Variants in TRIM77 observed in about 807,000 individuals in gnomAD.
TRIM77 encodes tripartite motif containing 77.
In TRIM77, 23 loss-of-function variants were observed where a neutral mutation model predicts 31.8. The ratio of observed to expected loss-of-function variants is 0.72; its 90% CI spans 0.52 to 1.02. The LOEUF (loss-of-function observed/expected upper bound fraction) is 1.02. Among genes scored for constraint, TRIM77 ranks in the 50% least tolerant of loss-of-function variants. TRIM77 has a pLI of 0.00. For missense variants in TRIM77, 446 were observed against 539.2 expected (o/e 0.83, Z 1.71); for synonymous variants, 159 against 183.1 (o/e 0.87, Z 1.06).
chr11:89,714,574 T>C (rs2134546118), intron 3 of TRIM77, among the ~76,000 whole-genome samples, 152 bp downstream of exon 3: 1 of 152,282 alleles, frequency 6.6e-6, no homozygotes, highest in African/African-American at 2.4e-5. Flanking sequence ...GTTTCACTCC[T>C]CTGTAGACCC....
At chr11:89,712,768 G>C (rs1265632532) in intron 2 of TRIM77, among the ~76,000 whole-genome samples, 2 of 152,106 alleles carry the variant, frequency 1.3e-5, no homozygotes, top group Non-Finnish European at 2.9e-5. Flanking sequence ...GGAAAGAGTA[G>C]GGAATAGAGG....
chr11:89,717,599 A>C lies in TRIM77; in HGVS notation c.1080A>C (p.Glu360Asp). 1 of 1,551,486 alleles carries C rather than the reference A, an allele frequency of 6.4e-7. No individual in the cohort carries two copies. The highest frequency in any genetic ancestry group is 8.7e-7 in the Non-Finnish European group (1 of 1,146,844). The stretch of plus-strand genomic sequence containing the variant: ...ATTGGGTTATAGGACTTTGCAGAGA[A>C]GCCTGGACAAAGAGGAATGACATGC... ...SCNWVIGLCR[E>D]AWTKRNDMRL... Residue 360 changes from glutamate to aspartate, a missense_variant, in exon 6 of 6, where the codon GAA (glutamate) becomes GAC (aspartate). Around this residue, in one of 3 missense-constraint regions of TRIM77, gnomAD observed 366 missense variants for 447.9 expected, o/e 0.82. Coordinates refer to ENST00000398290, the MANE Select transcript of TRIM77 (RefSeq NM_001146162.1).
Position 89,710,533 on chromosome 11 carries a change from G to GA in TRIM77, c.237dup (p.Ser80IlefsTer15), listed in dbSNP as rs1232373732. On this transcript the variant is annotated frameshift_variant, in exon 1 of 6. Coordinates refer to ENST00000398290, the MANE Select transcript of TRIM77 (RefSeq NM_001146162.1). LOFTEE classifies it high-confidence loss of function. ...TGAGAAACAAGTTATTCCTACAAGA[G>GA]AATCAGTCCCCTGCCAGTTATCAAG... The GA allele has an allele frequency of 1.3e-6, 2 of 1,551,616 alleles. No individual in the cohort carries two copies. Among genetic ancestry groups the GA allele is most frequent in the Non-Finnish European group, 1.7e-6 (2 of 1,146,990 alleles).
intron 5 of TRIM77, 61 bp downstream of exon 5, chr11:89,716,048 T>A (rs1949159192): frequency 9.6e-7 from 1 of 1,038,906 alleles, no homozygotes; most frequent in South Asian, 1.7e-5. Flanking sequence ...GTGACCTATA[T>A]TCAGTTTAGT....
chr11:89,713,714 T>C (rs1949140564), intron 2 of TRIM77, among the ~76,000 whole-genome samples: 1 of 151,796 alleles, frequency 6.6e-6, no homozygotes, highest in African/African-American at 2.4e-5. Context: ...AAGGGGTGGA[T>C]AGAGATGTGT....
Position 89,717,717 on chromosome 11 carries a change from A to T in TRIM77, c.1198A>T (p.Ile400Phe), listed in dbSNP as rs759317047. The change falls in exon 6 of 6, where the codon ATT (isoleucine) becomes TTT (phenylalanine). Residue 400 changes from isoleucine to phenylalanine, a missense_variant. Ile to Phe is a conservative substitution (Grantham distance 21). Coordinates refer to ENST00000398290, the MANE Select transcript of TRIM77 (RefSeq NM_001146162.1). ...FSTSPLLPHY[I>F]PRPQGWLGVF... Reference sequence around the variant, plus strand: ...TACCTCCCCACTGTTACCTCACTATATTCCAAGGCCCCAAGGCTGGCTAGG... The same window carrying T: ...TACCTCCCCACTGTTACCTCACTATTTTCCAAGGCCCCAAGGCTGGCTAGG... 2.0e-5 allele frequency: 31 copies of T among 1,551,302 alleles called. No individual in the cohort carries two copies. The highest frequency in any genetic ancestry group is 2.5e-5 in the Non-Finnish European group (29 of 1,146,730).
rs538083868 is a variant in TRIM77 at position 89,713,761 on chromosome 11, T to C, written c.508-431T>C. Among the ~76,000 whole-genome samples the C allele has an allele frequency of 2.1e-4, 32 of 152,202 alleles. No homozygotes were observed. In the South Asian group the frequency reaches 6.0e-3, roughly 29 times the overall value. ...ATAGGCAAGCATAGCCAAACACTGGTAAAAGCACCGAGTGTTTTGGAAATG... is the reference window on the plus strand; with the variant it reads ...ATAGGCAAGCATAGCCAAACACTGGCAAAAGCACCGAGTGTTTTGGAAATG... On this transcript the variant is annotated intron_variant, in intron 2 of 5. Transcript: ENST00000398290.
chr11:89,713,523 A>ATAAATATAAT (rs1187566667), intron 2 of TRIM77, among the ~76,000 whole-genome samples: 5 of 149,922 alleles, frequency 3.3e-5, no homozygotes, highest in African/African-American at 1.2e-4. Context: ...TGAAAGAGAG[A>ATAAATATAAT]TGGGGGAAAT....
intron 1 of TRIM77, among the ~76,000 whole-genome samples, 161 bp downstream of exon 1, chr11:89,710,870 A>G (rs1694065361): frequency 6.6e-6 from 1 of 152,226 alleles, no homozygotes. Flanking sequence ...AGACACTAAG[A>G]TAAAGCACTG....
Position 89,711,487 on chromosome 11 carries a change from C to T in TRIM77, c.489C>T (p.Asn163=), listed in dbSNP as rs1457216655. The T allele has an allele frequency of 6.6e-7, 1 of 1,515,622 alleles. No individual in the cohort carries two copies. 93.9% of individuals were successfully genotyped at this position (1,515,622 alleles called of 1,614,324 possible). The change falls in exon 2 of 6, where the codon AAC becomes AAT. Residue 163 remains asparagine (N), a synonymous_variant. Coordinates refer to ENST00000398290, the MANE Select transcript of TRIM77 (RefSeq NM_001146162.1). ...AAAGAAATCTAAACAGAGAGACCAA[C>T]ATAATCGGAACATGGGAAGTAAGCA... The part of the protein sequence containing the change: ...KNQRNLNRET[N]IIGTWEVFIN...
Position 89,717,533 on chromosome 11 carries a change from T to C in TRIM77, c.1014T>C (p.Ser338=), listed in dbSNP as rs1296771966. The C allele has an allele frequency of 2.6e-6, 4 of 1,551,480 alleles. No homozygotes were observed. In the Admixed American group the frequency reaches 7.8e-5, roughly 30 times the overall value. Reference sequence around the variant, plus strand: ...CATGGGGAGCTCAGATCCTCAGCTCTGGCAAACATTACTGGGAGGTGGATG... The same window carrying C: ...CATGGGGAGCTCAGATCCTCAGCTCCGGCAAACATTACTGGGAGGTGGATG... The part of the protein sequence containing the change: ...TSSWGAQILS[S]GKHYWEVDVK... Residue 338 remains serine (S), a synonymous_variant, in exon 6 of 6, where the codon TCT becomes TCC. Transcript: ENST00000398290.
At chr11:89,715,038 G>C (rs978101981) in intron 3 of TRIM77, 120 bp from the exon 4 acceptor site, 13 of 903,114 alleles carry the variant, frequency 1.4e-5, no homozygotes, top group Non-Finnish European at 1.9e-5. Context: ...TTTATCCAAA[G>C]AAGGAAAGTG....
rs1949114315 is a variant in TRIM77 at position 89,710,472 on chromosome 11, A to G, written c.174A>G (p.Ile58Met). Residue 58 changes from isoleucine (I) to methionine (M), a missense_variant, in exon 1 of 6, where the codon ATA (isoleucine) becomes ATG (methionine). By Grantham distance (10) the Ile-to-Met change is conservative (BLOSUM62 1). This residue lies in a region of TRIM77 where 8 missense variants were observed against 26.5 expected (regional missense o/e 0.30). Coordinates refer to ENST00000398290, the MANE Select transcript of TRIM77 (RefSeq NM_001146162.1). ...TPNCCPVCRE[I>M]SQQMYFKRII... is the part of the protein sequence containing the mutation. ...ATTGCTGCCCTGTGTGCAGGGAAAT[A>G]TCACAGCAAATGTACTTCAAACGCA... 1 of 1,551,526 alleles carries G rather than the reference A, an allele frequency of 6.4e-7. No individual in the cohort carries two copies. The highest frequency in any genetic ancestry group is 1.4e-5 in the African/African-American group (1 of 73,044).
rs1565424910 is a variant in TRIM77, at chr11:89,710,405, G to C, written c.107G>C (p.Ser36Thr). ...ATTTGTTGTGGGCACAGATTTTGTA[G>C]TCCCTGTCTCTGCCTCTTGTGGGAA... is the stretch of plus-strand genomic sequence containing the variant. The part of the protein sequence containing the change: ...VTICCGHRFC[S>T]PCLCLLWEDT... The change falls in exon 1 of 6, where the codon AGT (serine) becomes ACT (threonine). Residue 36 changes from serine (S) to threonine (T), a missense_variant. Transcript: ENST00000398290. 6.4e-7 allele frequency: 1 copy of C among 1,551,926 alleles called. No individual in the cohort carries two copies. Among genetic ancestry groups the C allele is most frequent in the Non-Finnish European group, 8.7e-7 (1 of 1,147,018 alleles).
chr11:89,714,484 A>G (rs1949147729), intron 3 of TRIM77, 62 bp downstream of exon 3: 2 of 1,111,650 alleles, frequency 1.8e-6, no homozygotes, highest in Non-Finnish European at 2.6e-6. Context: ...TATCTGCTAG[A>G]GTCTATATCC....
rs765522946 is a variant in TRIM77, at chr11:89,710,587, C to A, written c.289C>A (p.Gln97Lys). 2.6e-6 allele frequency: 4 copies of A among 1,551,602 alleles called. No homozygotes were observed. In the South Asian group the frequency reaches 4.8e-5, roughly 18 times the overall value. Residue 97 changes from glutamine (Q) to lysine (K), a missense_variant, in exon 1 of 6, where the codon CAG (glutamine) becomes AAG (lysine). Coordinates refer to ENST00000398290, the MANE Select transcript of TRIM77 (RefSeq NM_001146162.1). ...SSAMLICRRHQEIKNLICETD... is the reference protein window; with the variant it reads ...SSAMLICRRHKEIKNLICETD... ...TGCCATGCTGATCTGTAGGAGACAC[C>A]AGGAAATCAAGAACCTCATCTGTGA...
At position 89,717,714 on chromosome 11, in the gene TRIM77, T is replaced by C; in HGVS notation, c.1195T>C (p.Tyr399His). 1 of 1,551,312 alleles carries C rather than the reference T, an allele frequency of 6.4e-7. No homozygotes were observed. Among genetic ancestry groups the C allele is most frequent in the Non-Finnish European group, 8.7e-7 (1 of 1,146,720 alleles). The change falls in exon 6 of 6, where the codon TAT (tyrosine) becomes CAT (histidine). Residue 399 changes from tyrosine to histidine, a missense_variant. By Grantham distance (83) the Tyr-to-His change is moderately conservative (BLOSUM62 2). This residue lies in a region of TRIM77 where 366 missense variants were observed against 447.9 expected (regional missense o/e 0.82). Coordinates refer to ENST00000398290, the MANE Select transcript of TRIM77 (RefSeq NM_001146162.1). ...CTCTACCTCCCCACTGTTACCTCAC[T>C]ATATTCCAAGGCCCCAAGGCTGGCT... is the stretch of plus-strand genomic sequence containing the variant. The part of the protein sequence containing the change: ...LFSTSPLLPH[Y>H]IPRPQGWLGV...
rs1274439292 is a variant in TRIM77 at position 89,717,376 on chromosome 11, T to C, written c.860-3T>C. On this transcript the variant is annotated splice_polypyrimidine_tract_variant and splice_region_variant and intron_variant, in intron 5 of 5. Coordinates refer to ENST00000398290, the MANE Select transcript of TRIM77 (RefSeq NM_001146162.1). ...TTGCATTCACTGTTTTCTTTTGCCA[T>C]AGTGTATATCACCTTGGATCGTAAG... 2.0e-6 allele frequency: 3 copies of C among 1,530,462 alleles called. No individual in the cohort carries two copies. Among genetic ancestry groups the C allele is most frequent in the South Asian group, 1.2e-5 (1 of 81,174 alleles). The allele number at this position is 1,530,462 out of a possible 1,614,324, so 94.8% of individuals were successfully genotyped here.
intron 4 of TRIM77, 112 bp downstream of exon 4, chr11:89,715,292 C>A: frequency 2.0e-6 from 2 of 1,005,838 alleles, no homozygotes; most frequent in South Asian, 1.5e-5. Flanking sequence ...TTATTCCTTT[C>A]TTATCAAAGG....
Sources: allele counts gnomAD v4.1 joint callset (sites outside exome capture counted in the v4.1 genomes callset), GRCh38; gene constraint gnomAD v4.1.1; regional missense constraint gnomAD v4.1.1; transcripts MANE v1.5; gene names NCBI Gene and HGNC (gene_info 2026-07-23, HGNC 2026-07-21).